The following ATP8A2 variants were observed in gnomAD, a reference collection of about 807,000 sequenced individuals.
ATP8A2 encodes phospholipid-transporting ATPase IB.
Under a neutral mutation model 165.6 loss-of-function variants are expected in ATP8A2, and 100 were observed. The ratio of observed to expected loss-of-function variants is 0.60; its 90% CI spans 0.51 to 0.71. The LOEUF is 0.71. Ranked by LOEUF, ATP8A2 falls within the 30% of genes least tolerant of loss-of-function variation. The pLI is 0.00. For synonymous variants in ATP8A2, 543 were observed against 548.8 expected, an observed-to-expected ratio of 0.99 and a Z score of 0.15; for missense variants, 1,227 against 1,479.5, an observed-to-expected ratio of 0.83 and a Z score of 2.80.
chr13:25,468,904 C>G, intron 1 of ATP8A2, 73 bp from the exon 2 acceptor site: 1 of 1,577,010 alleles, frequency 6.3e-7, no homozygotes, highest in Non-Finnish European at 8.6e-7. Flanking sequence ...CGCCCGCGGC[C>G]CGCGCTCGCA....
chr13:25,864,633 A>G (rs1952454257), intron 33 of ATP8A2, among the ~76,000 whole-genome samples: 1 of 152,242 alleles, frequency 6.6e-6, no homozygotes, highest in Non-Finnish European at 1.5e-5. Context: ...ATTTTTCTGT[A>G]AAAGCTTATT....
At position 25,933,706 on chromosome 13, in the gene ATP8A2, CA is replaced by C. The variant is rs1954820676; in HGVS notation, c.3184-27866del. Among the ~76,000 whole-genome samples the C allele has an allele frequency of 6.6e-5, 10 of 152,310 alleles. No individual in the cohort carries two copies. The South Asian group carries it at 2.1e-3, about 32-fold the overall frequency. Reference sequence around the variant, plus strand: ...ACTCAAGCCCAGTCTAAGGCAGCCTCAAAGGCCACGTGACAGATACTCACAC... The same window carrying C: ...ACTCAAGCCCAGTCTAAGGCAGCCTCAAGGCCACGTGACAGATACTCACAC... On this transcript the variant is annotated intron_variant, in intron 33 of 36. Coordinates refer to ENST00000381655, the MANE Select transcript of ATP8A2 (RefSeq NM_016529.6).
At chr13:25,978,036 C>T (rs1028957085) in intron 35 of ATP8A2, among the ~76,000 whole-genome samples, 4 of 152,064 alleles carry the variant, frequency 2.6e-5, no homozygotes, top group Admixed American at 6.5e-5. Context: ...TTTCAAGAAC[C>T]ATTTTTACTG....
At chr13:25,682,325 T>C (rs1267858771) in intron 24 of ATP8A2, among the ~76,000 whole-genome samples, 2 of 152,076 alleles carry the variant, frequency 1.3e-5, no homozygotes, top group African/African-American at 2.4e-5. Flanking sequence ...TGAGAGATGA[T>C]AATCAGGCAT....
Position 26,022,111 on chromosome 13 carries a change from C to G in ATP8A2, c.*2126C>G, listed in dbSNP as rs893338169. The G allele has an allele frequency of 1.3e-5, 2 of 152,178 alleles. No individual in the cohort carries two copies. The highest frequency in any genetic ancestry group is 1.3e-4 in the Admixed American group (2 of 15,278). 9.4% of individuals were successfully genotyped at this position (152,178 alleles called of 1,614,324 possible). A position where few individuals can be genotyped will look rare whatever the true frequency, so the allele number is the denominator to read the frequency against. ...CAGAGTACCCAGCAAGACGGAAGGACTGTCATGCAGGAACTCTAACACAAA... is the reference window on the plus strand; with the variant it reads ...CAGAGTACCCAGCAAGACGGAAGGAGTGTCATGCAGGAACTCTAACACAAA... On this transcript the variant is annotated 3_prime_UTR_variant, in exon 37 of 37. Coordinates refer to ENST00000381655, the MANE Select transcript of ATP8A2 (RefSeq NM_016529.6).
intron 14 of ATP8A2, 54 bp downstream of exon 14, chr13:25,559,115 A>T: frequency 1.6e-6 from 2 of 1,285,890 alleles, no homozygotes; most frequent in South Asian, 2.5e-5. Flanking sequence ...CAAGAAAATA[A>T]GTTTATTTTT....
intron 35 of ATP8A2, among the ~76,000 whole-genome samples, chr13:25,980,768 G>A (rs1016115424): frequency 3.9e-5 from 6 of 152,134 alleles, no homozygotes; most frequent in Non-Finnish European, 5.9e-5. Context: ...CTACTCAAGA[G>A]GCTGAGGCAG....
At chr13:25,544,128 C>T (rs2038568796) in intron 10 of ATP8A2, among the ~76,000 whole-genome samples, 1 of 152,228 alleles carries the variant, frequency 6.6e-6, no homozygotes, top group Non-Finnish European at 1.5e-5. Flanking sequence ...TTAGTGACCA[C>T]GTACCAAGTC....
intron 33 of ATP8A2, among the ~76,000 whole-genome samples, chr13:25,947,725 T>C (rs1445797760): frequency 2.0e-5 from 3 of 152,148 alleles, no homozygotes; most frequent in Non-Finnish European, 4.4e-5. Flanking sequence ...ACCCTCTTCT[T>C]CCTGGGGCCG....
chr13:25,735,542 T>C (rs565962338), intron 25 of ATP8A2, among the ~76,000 whole-genome samples: 93 of 151,726 alleles, frequency 6.1e-4, no homozygotes, highest in African/African-American at 2.2e-3. Flanking sequence ...ATTATAGGCG[T>C]GAACCTCCAC....
At chr13:25,530,140 A>T in intron 3 of ATP8A2, 42 bp downstream of exon 3, 1 of 1,258,072 alleles carries the variant, frequency 7.9e-7, no homozygotes, top group Non-Finnish European at 1.1e-6. Flanking sequence ...ACTTAATTAC[A>T]TGTAAAATGA....
At chr13:26,017,956 G>A (rs1957018640) in intron 36 of ATP8A2, among the ~76,000 whole-genome samples, 1 of 152,222 alleles carries the variant, frequency 6.6e-6, no homozygotes, top group Non-Finnish European at 1.5e-5. Flanking sequence ...ATGGAGGTGA[G>A]CAAGTAGACA....
chr13:25,699,768 C>T (rs778978042), intron 25 of ATP8A2, among the ~76,000 whole-genome samples: 1 of 151,606 alleles, frequency 6.6e-6, no homozygotes, highest in Non-Finnish European at 1.5e-5. Flanking sequence ...GAGCTTTGGT[C>T]GGGTTCATGT....
chr13:25,417,914 T>G (rs988061626), intron 1 of ATP8A2, among the ~76,000 whole-genome samples: 1 of 152,246 alleles, frequency 6.6e-6, no homozygotes, highest in African/African-American at 2.4e-5. Context: ...TGGAATCAGT[T>G]GATTGGCACT....
intron 1 of ATP8A2, among the ~76,000 whole-genome samples, chr13:25,418,967 G>A (rs973085273): frequency 1.3e-5 from 2 of 152,138 alleles, no homozygotes; most frequent in African/African-American, 4.8e-5. Context: ...GATTCTTAAG[G>A]TAGTGGGCTG....
At chr13:25,727,748 A>T in intron 25 of ATP8A2, among the ~76,000 whole-genome samples, 1 of 152,260 alleles carries the variant, frequency 6.6e-6, no homozygotes, top group East Asian at 1.9e-4. Context: ...AGATATGCTT[A>T]AATCCTTTCA....
At chr13:25,422,468 T>G (rs975673521) in intron 1 of ATP8A2, among the ~76,000 whole-genome samples, 3 of 152,234 alleles carry the variant, frequency 2.0e-5, no homozygotes, top group Admixed American at 6.5e-5. Context: ...TGTAGTCTTC[T>G]GTCAATAAAC....
chr13:25,955,668 C>A (rs1008767342), intron 33 of ATP8A2, among the ~76,000 whole-genome samples: 1 of 152,116 alleles, frequency 6.6e-6, no homozygotes, highest in Admixed American at 6.6e-5. Flanking sequence ...CAGGACCAGA[C>A]GGATTCACAG....
intron 33 of ATP8A2, among the ~76,000 whole-genome samples, chr13:25,924,079 A>G (rs1954532344): frequency 6.6e-6 from 1 of 152,212 alleles, no homozygotes; most frequent in East Asian, 1.9e-4. Context: ...AAAGAACTGA[A>G]TGGATGGATG....
Sources: allele counts gnomAD v4.1 joint callset (sites outside exome capture counted in the v4.1 genomes callset), GRCh38; gene constraint gnomAD v4.1.1; transcripts MANE v1.5; gene names NCBI Gene and HGNC (gene_info 2026-07-23, HGNC 2026-07-21).